The following RLF variants were observed in gnomAD, a reference collection of about 807,000 sequenced individuals.
RLF encodes the protein zinc finger protein Rlf.
RLF carries 7 observed loss-of-function variants against 162.9 expected under a neutral mutation model. That is an observed-to-expected ratio of 0.04 (90% confidence interval 0.02 to 0.08). RLF has a LOEUF of 0.08. Among genes scored for constraint, RLF ranks in the 10% least tolerant of loss-of-function variants. The pLI, the probability that RLF is intolerant of heterozygous loss-of-function variation, is 1.00. For synonymous variants in RLF, 782 were observed against 791.5 expected (o/e 0.99, Z 0.20); for missense variants, 1,664 against 2,244.7 (o/e 0.74, Z 5.23).
chr1:40,226,035 A>G (rs1643068206), intron 6 of RLF, among the ~76,000 whole-genome samples: 1 of 152,126 alleles, frequency 6.6e-6, no homozygotes, highest in Non-Finnish European at 1.5e-5. Flanking sequence ...TGGGTGACAC[A>G]ATGAGACCCT....
At chr1:40,190,314 G>A (rs1298366349) in intron 2 of RLF, among the ~76,000 whole-genome samples, 5 of 152,090 alleles carry the variant, frequency 3.3e-5, no homozygotes, top group Admixed American at 3.3e-4. Flanking sequence ...TTTTTTTACA[G>A]GTAAAGAAAC....
rs34756935 is a variant in RLF at position 40,214,918 on chromosome 1, C to CAAAAAAAAA, written c.811-7637_811-7629dup. 4.3e-3 allele frequency among the ~76,000 whole-genome samples: 62 copies of CAAAAAAAAA among 14,396 alleles called. 8 individuals carry two copies. Among genetic ancestry groups the CAAAAAAAAA allele is most frequent in the East Asian group, 0.014 (5 of 362 alleles). The allele number at this position is 14,396 out of a possible 152,430, so 9.4% of individuals were successfully genotyped here. On this transcript the variant is annotated intron_variant, in intron 5 of 7. Coordinates refer to ENST00000372771, the MANE Select transcript of RLF (RefSeq NM_012421.4). Reference sequence around the variant, plus strand: ...CACCTGGACAAGAGTGAGCCTGTCTCAAAAAAAAAAAAAAAAAAAAAAAAA... The same window carrying CAAAAAAAAA: ...CACCTGGACAAGAGTGAGCCTGTCTCAAAAAAAAAAAAAAAAAAAAAAAAAAAAAAAAAA...
At chr1:40,174,394 A>G (rs1326137050) in intron 1 of RLF, among the ~76,000 whole-genome samples, 1 of 151,680 alleles carries the variant, frequency 6.6e-6, no homozygotes, top group Non-Finnish European at 1.5e-5. Context: ...AGTGACCTTT[A>G]TATGTTTTCA....
chr1:40,190,739 C>A (rs1003806854), intron 2 of RLF, 33 bp from the exon 3 acceptor site: 15 of 1,355,722 alleles, frequency 1.1e-5, no homozygotes, highest in Non-Finnish European at 1.6e-5. Context: ...ATTACTATAA[C>A]CACCTTTATA....
chr1:40,194,118 T>G (rs1233241527), intron 3 of RLF, among the ~76,000 whole-genome samples: 1 of 151,336 alleles, frequency 6.6e-6, no homozygotes, highest in Non-Finnish European at 1.5e-5. Flanking sequence ...ATATAAGAAC[T>G]TTAATGAACA....
intron 5 of RLF, among the ~76,000 whole-genome samples, chr1:40,208,679 G>A (rs959865409): frequency 8.4e-6 from 1 of 119,634 alleles, no homozygotes; most frequent in Admixed American, 7.7e-5. Context: ...TTAGCTGGGC[G>A]TGGTGGCATG....
intron 5 of RLF, among the ~76,000 whole-genome samples, chr1:40,222,324 A>G (rs549899833): frequency 6.8e-4 from 103 of 152,322 alleles, no homozygotes; most frequent in African/African-American, 2.4e-3. Flanking sequence ...ATATGGTAGC[A>G]ATGTTCGTAA....
intron 1 of RLF, among the ~76,000 whole-genome samples, chr1:40,170,049 A>T (rs1394185036): frequency 1.3e-5 from 2 of 152,140 alleles, no homozygotes; most frequent in African/African-American, 4.8e-5. Flanking sequence ...GACATTACGT[A>T]TTGTGCAGCA....
chr1:40,236,874 G>A lies in RLF; in HGVS notation c.2172G>A (p.Met724Ile). The A allele has an allele frequency of 6.2e-7, 1 of 1,614,182 alleles. No homozygotes were observed. The highest frequency in any genetic ancestry group is 8.5e-7 in the Non-Finnish European group (1 of 1,180,030). ...EKCTYCRRHF[M>I]SAFHLREHEQ... ...GTACTTACTGTCGACGACATTTTATGTCTGCTTTTCACCTTCGAGAGCACG... is the reference window on the plus strand; with the variant it reads ...GTACTTACTGTCGACGACATTTTATATCTGCTTTTCACCTTCGAGAGCACG... The change falls in exon 8 of 8, where the codon ATG (methionine) becomes ATA (isoleucine). Residue 724 changes from methionine (M) to isoleucine (I), a missense_variant. Met to Ile is a conservative substitution (Grantham distance 10). This residue lies in a region of RLF where 69 missense variants were observed against 206.4 expected (regional missense o/e 0.33). Coordinates refer to ENST00000372771, the MANE Select transcript of RLF (RefSeq NM_012421.4). The surrounding 1 kb of genome is among the most constrained non-coding windows in gnomAD (Gnocchi z 7.7).
intron 1 of RLF, among the ~76,000 whole-genome samples, chr1:40,170,182 C>T (rs181301288): frequency 1.3e-5 from 2 of 152,118 alleles, no homozygotes; most frequent in East Asian, 1.9e-4. Context: ...GAGGTGATTG[C>T]CTTGTCTTTC....
Position 40,239,081 on chromosome 1 carries a change from A to G in RLF, c.4379A>G (p.Asn1460Ser). 1.2e-6 allele frequency: 2 copies of G among 1,614,186 alleles called. No homozygotes were observed. Among genetic ancestry groups the G allele is most frequent in the Non-Finnish European group, 1.7e-6 (2 of 1,180,034 alleles). The change falls in exon 8 of 8, where the codon AAT becomes AGT. Residue 1460 changes from asparagine (N) to serine (S), a missense_variant. Physicochemically the swap from Asn to Ser is conservative, Grantham distance 46. Around this residue, in one of 15 missense-constraint regions of RLF, gnomAD observed 200 missense variants for 207.3 expected, o/e 0.96. Transcript: ENST00000372771. ...GGCCAGATTTTCACCCATCGCAGTA[A>G]TTACTCACAACATGTATATTACCGA... ...GCGQIFTHRSNYSQHVYYRHK... is the reference protein window; with the variant it reads ...GCGQIFTHRSSYSQHVYYRHK...
chr1:40,237,804 A>T lies in RLF; in HGVS notation c.3102A>T (p.Lys1034Asn), dbSNP rs1643237383. 1.2e-6 allele frequency: 2 copies of T among 1,614,186 alleles called. No homozygotes were observed. Among genetic ancestry groups the T allele is most frequent in the Non-Finnish European group, 1.7e-6 (2 of 1,180,002 alleles). ...GTCTAGATCACAATATTCACATTAA[A>T]TGTAAACGAGAACATCAAGGTTATT... is the stretch of plus-strand genomic sequence containing the variant. ...DEGLDHNIHIKCKREHQGYSS... is the reference protein window; with the variant it reads ...DEGLDHNIHINCKREHQGYSS... The change falls in exon 8 of 8, where the codon AAA becomes AAT. Residue 1034 changes from lysine to asparagine, a missense_variant. By Grantham distance (94) the Lys-to-Asn change is moderately conservative. Around this residue, in one of 15 missense-constraint regions of RLF, gnomAD observed 295 missense variants for 317.4 expected, o/e 0.93. Coordinates refer to ENST00000372771, the MANE Select transcript of RLF (RefSeq NM_012421.4). This position sits in a 1 kb window ranked among gnomAD's most constrained non-coding sequence, Gnocchi z 4.4.
intron 4 of RLF, among the ~76,000 whole-genome samples, chr1:40,200,275 A>G (rs996824085): frequency 2.6e-5 from 4 of 152,238 alleles, no homozygotes; most frequent in Non-Finnish European, 5.9e-5. Flanking sequence ...AAATTGGTAC[A>G]ATTTTTGGAG....
Position 40,237,054 on chromosome 1 carries a change from C to T in RLF, c.2352C>T (p.Asp784=), listed in dbSNP as rs764441039. The change falls in exon 8 of 8, where the codon GAC becomes GAT. Residue 784 remains aspartate, a synonymous_variant. Transcript: ENST00000372771. The surrounding 1 kb of genome is among the most constrained non-coding windows in gnomAD (Gnocchi z 4.4). ...ELNGCNIVFS[D]LGQLYHHEAQ... ...ATGGCTGTAATATTGTTTTCAGTGACTTGGGACAGCTTTACCACCATGAAG... is the reference window on the plus strand; with the variant it reads ...ATGGCTGTAATATTGTTTTCAGTGATTTGGGACAGCTTTACCACCATGAAG... 10 of 1,613,980 alleles carry T rather than the reference C, an allele frequency of 6.2e-6. No individual in the cohort carries two copies. Among genetic ancestry groups the T allele is most frequent in the Admixed American group, 1.7e-5 (1 of 59,990 alleles).
rs189145827 is a variant in RLF at position 40,222,251 on chromosome 1, A to G, written c.811-323A>G. Among the ~76,000 whole-genome samples, 3 of 152,316 alleles carry G rather than the reference A, an allele frequency of 2.0e-5. No individual in the cohort carries two copies. The East Asian group carries it at 5.8e-4, about 29-fold the overall frequency. On this transcript the variant is annotated intron_variant, in intron 5 of 7. Coordinates refer to ENST00000372771, the MANE Select transcript of RLF (RefSeq NM_012421.4). The stretch of plus-strand genomic sequence containing the variant: ...GGGAAGACAGGAACAGGAAAGAAAA[A>G]AAAACATAGTAATACTTCAGGTAAA...
intron 1 of RLF, among the ~76,000 whole-genome samples, chr1:40,162,313 C>T (rs1472820421): frequency 6.6e-6 from 1 of 151,452 alleles, no homozygotes; most frequent in Non-Finnish European, 1.5e-5. Flanking sequence ...AGTGTGGCCT[C>T]TTTTGGCAGT....
chr1:40,230,197 T>TA (rs1448572563), intron 6 of RLF, among the ~76,000 whole-genome samples: 2 of 152,200 alleles, frequency 1.3e-5, no homozygotes, highest in African/African-American at 4.8e-5. Context: ...TAAATTCCGT[T>TA]AAATATATTT....
chr1:40,198,779 TAAAA>T (rs942568830), intron 4 of RLF, among the ~76,000 whole-genome samples: 1 of 151,672 alleles, frequency 6.6e-6, no homozygotes, highest in Admixed American at 6.6e-5. Context: ...GGTATAAAAC[TAAAA>T]AAAAATTTTG....
At chr1:40,163,539 G>T (rs1283666565) in intron 1 of RLF, among the ~76,000 whole-genome samples, 1 of 152,154 alleles carries the variant, frequency 6.6e-6, no homozygotes, top group Non-Finnish European at 1.5e-5. Context: ...TGACACCAGA[G>T]ATGTGATGGC....
Sources: gnomAD v4.1 joint callset for allele counts (sites outside exome capture counted in the v4.1 genomes callset) on GRCh38, gnomAD v4.1.1 for gene constraint, gnomAD v4.1.1 regional missense constraint, Gnocchi (gnomAD v3.1) non-coding constraint, MANE v1.5 for transcripts, NCBI Gene and HGNC (gene_info 2026-07-23, HGNC 2026-07-21) for gene names.